Variants in SCAND3 observed in about 807,000 individuals in gnomAD.
The protein encoded by SCAND3 is SCAN domain containing 3.
At chr6:28,612,043 GT>G in the SCAND3 span, among the ~76,000 whole-genome samples, 29 of 144,872 alleles carry the variant, frequency 2.0e-4, no homozygotes, top group Admixed American at 1.4e-4. Context: ...TTTTTTTGTT[GT>G]TTTTTTTTTT....
chr6:28,570,909 A>G, the SCAND3 span: 1 of 152,228 alleles, frequency 6.6e-6, no homozygotes, highest in Non-Finnish European at 1.5e-5. Flanking sequence ...TGAGGTGCCA[A>G]TAATTTCTGA....
chr6:28,608,237 C>G, the SCAND3 span, among the ~76,000 whole-genome samples: 1 of 152,212 alleles, frequency 6.6e-6, no homozygotes, highest in Non-Finnish European at 1.5e-5. Context: ...GCACTGCCAC[C>G]TTTTCACTGT....
chr6:28,599,448 G>A, the SCAND3 span, among the ~76,000 whole-genome samples: 2 of 152,238 alleles, frequency 1.3e-5, no homozygotes, highest in Admixed American at 1.3e-4. Context: ...TATGGTTTGG[G>A]TGTGTCCCCG....
the SCAND3 span, chr6:28,586,302 TG>T: frequency 1.3e-6 from 2 of 1,592,880 alleles, no homozygotes; most frequent in Non-Finnish European, 1.7e-6. The surrounding 1 kb of genome is among the most constrained non-coding windows in gnomAD (Gnocchi z 4.4). Context: ...TCTCACCTGC[TG>T]TCTAGGTTCA....
the SCAND3 span, among the ~76,000 whole-genome samples, chr6:28,579,635 A>G: frequency 6.6e-6 from 1 of 152,374 alleles, no homozygotes; most frequent in Middle Eastern, 3.4e-3. This position sits in a 1 kb window ranked among gnomAD's most constrained non-coding sequence, Gnocchi z 4.5. Flanking sequence ...GACAGGAGTT[A>G]AAACGCATCC....
At chr6:28,591,214 A>C in the SCAND3 span, 1 of 152,348 alleles carries the variant, frequency 6.6e-6, no homozygotes, top group Non-Finnish European at 1.5e-5. Flanking sequence ...TGGTGCCTGC[A>C]CAACGTGACC....
the SCAND3 span, chr6:28,575,876 C>G: frequency 6.2e-7 from 1 of 1,613,942 alleles, no homozygotes; most frequent in East Asian, 2.2e-5. The surrounding 1 kb of genome is among the most constrained non-coding windows in gnomAD (Gnocchi z 4.2). Context: ...AGGATAACAT[C>G]AAATCTAGCC....
chr6:28,586,150 C>T, the SCAND3 span: 3 of 661,474 alleles, frequency 4.5e-6, no homozygotes, highest in African/African-American at 3.6e-5. The surrounding 1 kb of genome is among the most constrained non-coding windows in gnomAD (Gnocchi z 4.4). Flanking sequence ...CTCATATGCA[C>T]GCATCTATTC....
chr6:28,573,436 C>T, the SCAND3 span: 1 of 1,614,126 alleles, frequency 6.2e-7, no homozygotes, highest in East Asian at 2.2e-5. Context: ...CCGCAAAGCA[C>T]TAATGTTTAT....
the SCAND3 span, among the ~76,000 whole-genome samples, chr6:28,596,468 GAATT>G: frequency 2.0e-5 from 3 of 152,028 alleles, no homozygotes; most frequent in African/African-American, 7.2e-5. Context: ...ATCCTGGAAA[GAATT>G]AACAACAGTG....
chr6:28,575,226 T>C, the SCAND3 span: 1 of 1,613,916 alleles, frequency 6.2e-7, no homozygotes, highest in Non-Finnish European at 8.5e-7. The surrounding 1 kb of genome is among the most constrained non-coding windows in gnomAD (Gnocchi z 4.2). Context: ...CAGTCCAGTG[T>C]GATGAGTTGT....
the SCAND3 span, chr6:28,589,787 A>G: frequency 6.7e-6 from 1 of 149,992 alleles, no homozygotes; most frequent in African/African-American, 2.5e-5. Context: ...CGCTGCCACA[A>G]CCAAGTCCTG....
the SCAND3 span, chr6:28,573,635 C>T: frequency 8.3e-5 from 134 of 1,612,714 alleles, 1 homozygote; most frequent in East Asian, 2.8e-3. Context: ...AGTACTTCAC[C>T]ATCAATTACA....
the SCAND3 span, chr6:28,579,543 A>G: frequency 4.6e-6 from 4 of 860,450 alleles, no homozygotes; most frequent in South Asian, 1.8e-5. This position sits in a 1 kb window ranked among gnomAD's most constrained non-coding sequence, Gnocchi z 4.5. Context: ...ATTCTTAAGT[A>G]CAAGATAAAA....
the SCAND3 span, chr6:28,573,929 A>ATTTT: frequency 7.7e-7 from 1 of 1,304,554 alleles, no homozygotes. Flanking sequence ...AAAATAAAAA[A>ATTTT]TTATTTTAAA....
chr6:28,572,399 C>T, the SCAND3 span: 1 of 1,613,290 alleles, frequency 6.2e-7, no homozygotes, highest in Non-Finnish European at 8.5e-7. This position sits in a 1 kb window ranked among gnomAD's most constrained non-coding sequence, Gnocchi z 4.1. Context: ...TTACCTACTT[C>T]ATTGATAATT....
At chr6:28,583,115 G>A in the SCAND3 span, among the ~76,000 whole-genome samples, 5 of 151,782 alleles carry the variant, frequency 3.3e-5, no homozygotes, top group South Asian at 8.3e-4. Context: ...AAGGTGGGTC[G>A]GGCACGGTGG....
At chr6:28,580,035 AG>A in the SCAND3 span, among the ~76,000 whole-genome samples, 1 of 152,238 alleles carries the variant, frequency 6.6e-6, no homozygotes, top group African/African-American at 2.4e-5. Context: ...ATATTCTAAA[AG>A]GGAATATCCA....
chr6:28,589,377 T>G, the SCAND3 span: 1 of 152,178 alleles, frequency 6.6e-6, no homozygotes, highest in African/African-American at 2.4e-5. Flanking sequence ...ACCCTTGTGG[T>G]TGGTCCCATG....
Sources: allele counts gnomAD v4.1 joint callset (sites outside exome capture counted in the v4.1 genomes callset), GRCh38; gene constraint gnomAD v4.1.1; non-coding constraint Gnocchi (gnomAD v3.1); transcripts MANE v1.5; gene names NCBI Gene and HGNC (gene_info 2026-07-23, HGNC 2026-07-21).